The following KCNC2 variants were observed in gnomAD, a reference collection of about 807,000 sequenced individuals.
KCNC2 encodes the protein voltage-gated potassium channel KCNC2.
A neutral mutation model predicts 44.5 loss-of-function variants in KCNC2; 21 were observed. The observed-to-expected ratio is 0.47, with a 90% CI of 0.33 to 0.68. The LOEUF (loss-of-function observed/expected upper bound fraction) is 0.68. KCNC2 is among the 30% of genes least tolerant of loss of function. The pLI, the probability that KCNC2 is intolerant of heterozygous loss-of-function variation, is 0.01. For missense variants in KCNC2, 589 were observed against 826.2 expected (o/e 0.71, Z 3.52); for synonymous variants, 391 against 339.1 (o/e 1.15, Z -1.68).
chr12:75,085,687 G>A (rs1472232263), intron 2 of KCNC2, among the ~76,000 whole-genome samples: 1 of 152,016 alleles, frequency 6.6e-6, no homozygotes, highest in Non-Finnish European at 1.5e-5. Flanking sequence ...TTTCTCAAAT[G>A]GAAAATAGAT....
At chr12:75,152,654 A>C (rs1304655050) in intron 2 of KCNC2, among the ~76,000 whole-genome samples, 3 of 152,068 alleles carry the variant, frequency 2.0e-5, no homozygotes, top group Non-Finnish European at 4.4e-5. Flanking sequence ...ATAACTTACC[A>C]GTAAAAATGA....
intron 3 of KCNC2, among the ~76,000 whole-genome samples, chr12:75,048,554 T>C (rs1035786305): frequency 1.3e-5 from 2 of 152,166 alleles, no homozygotes; most frequent in African/African-American, 2.4e-5. Context: ...TTTTGGATTT[T>C]ATCTAATAGG....
chr12:75,122,395 G>T (rs1235254543), intron 2 of KCNC2, among the ~76,000 whole-genome samples: 1 of 152,200 alleles, frequency 6.6e-6, no homozygotes, highest in Admixed American at 6.5e-5. Flanking sequence ...ACTCATGTAG[G>T]TGAGTAACAT....
At chr12:75,119,285 C>G (rs1432004365) in intron 2 of KCNC2, among the ~76,000 whole-genome samples, 1 of 152,098 alleles carries the variant, frequency 6.6e-6, no homozygotes, top group Non-Finnish European at 1.5e-5. Context: ...CCAAATGAAG[C>G]ATTCATAGGT....
At chr12:75,154,124 T>G (rs551645927) in intron 2 of KCNC2, among the ~76,000 whole-genome samples, 1 of 152,090 alleles carries the variant, frequency 6.6e-6, no homozygotes, top group South Asian at 2.1e-4. Context: ...AAAAAAGAAA[T>G]ATATTTCTAT....
chr12:75,045,298 ACATATAAAACT>A (rs1216497147), intron 4 of KCNC2, among the ~76,000 whole-genome samples: 1 of 151,978 alleles, frequency 6.6e-6, no homozygotes, highest in Non-Finnish European at 1.5e-5. Context: ...CATGCCAGTA[ACATATAAAACT>A]TGGTTGCCAT....
At chr12:75,166,445 A>T (rs1015048735) in intron 2 of KCNC2, among the ~76,000 whole-genome samples, 37 of 90,508 alleles carry the variant, frequency 4.1e-4, no homozygotes, top group Non-Finnish European at 7.4e-4. Flanking sequence ...CGAATGATCT[A>T]AAAAAAAAAA....
At chr12:75,144,882 C>T (rs1428388388) in intron 2 of KCNC2, among the ~76,000 whole-genome samples, 7 of 151,576 alleles carry the variant, frequency 4.6e-5, no homozygotes, top group Non-Finnish European at 7.4e-5. Context: ...TTTCCATAAT[C>T]GAAATAGTCA....
chr12:75,207,756 G>A lies in KCNC2; in HGVS notation c.228C>T (p.Gly76=). The A allele has an allele frequency of 6.4e-7, 1 of 1,567,964 alleles. No homozygotes were observed. The highest frequency in any genetic ancestry group is 8.6e-7 in the Non-Finnish European group (1 of 1,157,190). ...AGTTGCCCGCGCCGCCCTCGAAGCA[G>A]CCGCCTGGCCCGGGGGACAGCGGGG... is the stretch of plus-strand genomic sequence containing the variant. ...RAPPLSPGPG[G]CFEGGAGNCS... is the part of the protein sequence containing the mutation. Residue 76 remains glycine (G), a synonymous_variant, in exon 2 of 5, where the codon GGC becomes GGT. Coordinates refer to ENST00000549446, the MANE Select transcript of KCNC2 (RefSeq NM_139137.4). This position sits in a 1 kb window ranked among gnomAD's most constrained non-coding sequence, Gnocchi z 4.1.
At chr12:75,180,327 C>T (rs1892492694) in intron 2 of KCNC2, among the ~76,000 whole-genome samples, 3 of 151,628 alleles carry the variant, frequency 2.0e-5, no homozygotes, top group Admixed American at 1.3e-4. Flanking sequence ...TGAATGGGTA[C>T]CATTAGTTTC....
intron 2 of KCNC2, among the ~76,000 whole-genome samples, chr12:75,139,767 C>T (rs944287734): frequency 1.6e-4 from 25 of 152,106 alleles, no homozygotes; most frequent in Non-Finnish European, 2.1e-4. Flanking sequence ...TTCTGAAGAA[C>T]GTTGTGACAA....
chr12:75,187,027 A>G (rs1399869930), intron 2 of KCNC2, among the ~76,000 whole-genome samples: 1 of 152,236 alleles, frequency 6.6e-6, no homozygotes, highest in Non-Finnish European at 1.5e-5. Context: ...ATTCAGATAA[A>G]CAATTAAATG....
chr12:75,177,801 G>A (rs1892295757), intron 2 of KCNC2, among the ~76,000 whole-genome samples: 1 of 151,960 alleles, frequency 6.6e-6, no homozygotes, highest in African/African-American at 2.4e-5. Context: ...ATTTTTCTTG[G>A]ACCAATCAGG....
In KCNC2 at chr12:75,042,278, A is replaced by T; in HGVS notation, c.*827T>A. The T allele has an allele frequency of 1.2e-6, 2 of 1,609,222 alleles. No individual in the cohort carries two copies. The highest frequency in any genetic ancestry group is 1.7e-6 in the Non-Finnish European group (2 of 1,177,532). Reference sequence around the variant, plus strand: ...AACAATGCAAGCCTGGCTGGCAGTTACCTTTCTCTCATGTTTTGTGCCTTC... The same window carrying T: ...AACAATGCAAGCCTGGCTGGCAGTTTCCTTTCTCTCATGTTTTGTGCCTTC... On this transcript the variant is annotated 3_prime_UTR_variant, in exon 5 of 5. Coordinates refer to ENST00000549446, the MANE Select transcript of KCNC2 (RefSeq NM_139137.4).
intron 2 of KCNC2, among the ~76,000 whole-genome samples, chr12:75,119,779 C>T (rs540062256): frequency 1.3e-5 from 2 of 152,202 alleles, no homozygotes; most frequent in Non-Finnish European, 2.9e-5. Context: ...TAACAACCTC[C>T]ACCACAAAGA....
At chr12:75,183,221 A>C (rs1892720179) in intron 2 of KCNC2, among the ~76,000 whole-genome samples, 2 of 152,222 alleles carry the variant, frequency 1.3e-5, no homozygotes, top group Non-Finnish European at 2.9e-5. Flanking sequence ...TAGCAAAGTA[A>C]CACAGTGTGA....
At chr12:75,055,994 T>C (rs1053435321) in intron 2 of KCNC2, among the ~76,000 whole-genome samples, 5 of 152,054 alleles carry the variant, frequency 3.3e-5, no homozygotes, top group African/African-American at 1.2e-4. Flanking sequence ...GTGCCTAGAC[T>C]GTGTCCTTTC....
At chr12:75,051,750 T>C (rs1881197738) in intron 2 of KCNC2, among the ~76,000 whole-genome samples, 1 of 152,112 alleles carries the variant, frequency 6.6e-6, no homozygotes, top group Non-Finnish European at 1.5e-5. Context: ...GACACAGTGA[T>C]AGAAATTTGG....
At chr12:75,186,345 A>T (rs1370020286) in intron 2 of KCNC2, among the ~76,000 whole-genome samples, 1 of 152,142 alleles carries the variant, frequency 6.6e-6, no homozygotes, top group East Asian at 1.9e-4. Flanking sequence ...AACTCAAGGC[A>T]TTCCCAGTGT....
Sources: allele counts gnomAD v4.1 joint callset (sites outside exome capture counted in the v4.1 genomes callset), GRCh38; gene constraint gnomAD v4.1.1; non-coding constraint Gnocchi (gnomAD v3.1); transcripts MANE v1.5; gene names NCBI Gene and HGNC (gene_info 2026-07-23, HGNC 2026-07-21).